Variants in PRKG1 observed in about 807,000 individuals in gnomAD.
The protein encoded by PRKG1 is cGMP-dependent protein kinase 1.
Under a neutral mutation model 88.1 loss-of-function variants are expected in PRKG1, and 35 were observed. The observed-to-expected ratio is 0.40, with a 90% confidence interval of 0.30 to 0.53. The LOEUF is 0.53. Among genes scored for constraint, PRKG1 ranks in the 20% least tolerant of loss-of-function variants. The probability of loss-of-function intolerance (pLI) is 0.59; values close to 1 mark genes in which losing one functional copy is unlikely to be tolerated. For missense variants in PRKG1, 540 were observed against 839.8 expected (o/e 0.64, Z 4.41); for synonymous variants, 303 against 292.5 (o/e 1.04, Z -0.37).
intron 2 of PRKG1, among the ~76,000 whole-genome samples, chr10:51,285,716 A>T (rs919676025): frequency 6.6e-6 from 1 of 152,198 alleles, no homozygotes; most frequent in Non-Finnish European, 1.5e-5. Flanking sequence ...GTATTGGTTT[A>T]CATGTTAGAA....
chr10:51,627,464 A>G (rs555983351), intron 3 of PRKG1, among the ~76,000 whole-genome samples: 1 of 152,332 alleles, frequency 6.6e-6, no homozygotes, highest in Non-Finnish European at 1.5e-5. Flanking sequence ...AAACCTCCCA[A>G]TTAATTTTCA....
chr10:51,594,020 C>T (rs10823255), intron 3 of PRKG1, among the ~76,000 whole-genome samples: 50,958 of 151,882 alleles, frequency 0.34, 9,327 homozygotes, highest in Non-Finnish European at 0.42. Flanking sequence ...GCCACCGTGC[C>T]TGTACCCCCC....
chr10:51,895,020 A>G (rs1841808599), intron 4 of PRKG1, among the ~76,000 whole-genome samples: 1 of 152,186 alleles, frequency 6.6e-6, no homozygotes. Flanking sequence ...TCTTGTCTAA[A>G]TGAGAATTAT....
chr10:51,103,325 T>C (rs1161328031), intron 1 of PRKG1, among the ~76,000 whole-genome samples: 1 of 152,118 alleles, frequency 6.6e-6, no homozygotes, highest in Non-Finnish European at 1.5e-5. Flanking sequence ...ATGAAGGCAT[T>C]TGATCATGAA....
chr10:51,980,568 C>T (rs1025709754), intron 5 of PRKG1, among the ~76,000 whole-genome samples: 2 of 152,078 alleles, frequency 1.3e-5, no homozygotes, highest in African/African-American at 4.8e-5. Context: ...CTGTCTAATA[C>T]TGTCAATGGG....
chr10:51,012,579 T>A (rs1843007542), intron 1 of PRKG1, among the ~76,000 whole-genome samples: 2 of 152,332 alleles, frequency 1.3e-5, no homozygotes, highest in Non-Finnish European at 2.9e-5. Context: ...GCACGCATTT[T>A]AAAACATATT....
intron 2 of PRKG1, among the ~76,000 whole-genome samples, chr10:51,165,813 A>G (rs1387699396): frequency 1.3e-5 from 2 of 152,218 alleles, no homozygotes; most frequent in East Asian, 3.9e-4. Context: ...ATCATAAATG[A>G]AGTCAATGTG....
intron 7 of PRKG1, among the ~76,000 whole-genome samples, chr10:52,077,170 A>C (rs1589584986): frequency 6.6e-6 from 1 of 152,360 alleles, no homozygotes. Flanking sequence ...GTGCATCAAT[A>C]GATGAATAGG....
At position 52,296,827 on chromosome 10, in the gene PRKG1, A is replaced by G. The variant is rs563345871; in HGVS notation, c.*2927A>G. 6.6e-6 allele frequency: 1 copy of G among 152,268 alleles called. No homozygotes were observed. Among genetic ancestry groups the G allele is most frequent in the South Asian group, 2.1e-4 (1 of 4,832 alleles). 9.4% of individuals were successfully genotyped at this position (152,268 alleles called of 1,614,324 possible). Reference sequence around the variant, plus strand: ...TTATGTTTATATCTTCTTTCTTATTAAGACATGAATCAGATCCATGTGGCA... The same window carrying G: ...TTATGTTTATATCTTCTTTCTTATTGAGACATGAATCAGATCCATGTGGCA... On this transcript the variant is annotated 3_prime_UTR_variant, in exon 18 of 18. Coordinates refer to ENST00000373980, the MANE Select transcript of PRKG1 (RefSeq NM_006258.4).
intron 2 of PRKG1, among the ~76,000 whole-genome samples, chr10:51,464,869 C>G (rs368880894): frequency 8.1e-6 from 1 of 123,122 alleles, no homozygotes; most frequent in Non-Finnish European, 1.6e-5. Flanking sequence ...CCAGCCTGGG[C>G]GACAGAGCGA....
At chr10:51,953,062 TTCTG>T (rs2133056179) in intron 5 of PRKG1, among the ~76,000 whole-genome samples, 1 of 152,320 alleles carries the variant, frequency 6.6e-6, no homozygotes, top group East Asian at 1.9e-4. Flanking sequence ...CTTTAGCTTT[TTCTG>T]TCTATGTTTA....
intron 4 of PRKG1, among the ~76,000 whole-genome samples, chr10:51,867,536 T>C (rs1589372791): frequency 6.6e-6 from 1 of 152,144 alleles, no homozygotes; most frequent in African/African-American, 2.4e-5. Context: ...GGAGAAAGAC[T>C]TAGGAATTTA....
At chr10:51,463,870 G>A (rs1023336584) in intron 2 of PRKG1, among the ~76,000 whole-genome samples, 2 of 152,064 alleles carry the variant, frequency 1.3e-5, no homozygotes, top group Non-Finnish European at 2.9e-5. Context: ...GCCATTCCTC[G>A]TTCACATAAC....
At chr10:51,050,052 A>C (rs1340340405) in intron 1 of PRKG1, among the ~76,000 whole-genome samples, 1 of 152,048 alleles carries the variant, frequency 6.6e-6, no homozygotes, top group African/African-American at 2.4e-5. Context: ...CTCCCATTTC[A>C]ATGGATTTTA....
intron 2 of PRKG1, among the ~76,000 whole-genome samples, chr10:51,324,756 A>G (rs1376729579): frequency 2.0e-5 from 3 of 151,676 alleles, no homozygotes; most frequent in Non-Finnish European, 4.4e-5. Context: ...AAAAGATTCC[A>G]TTGTGTATAT....
intron 1 of PRKG1, among the ~76,000 whole-genome samples, chr10:51,108,652 C>A (rs1844906573): frequency 6.6e-6 from 1 of 152,110 alleles, no homozygotes; most frequent in East Asian, 1.9e-4. Flanking sequence ...GTTACAAAAC[C>A]CCCACAGCTA....
chr10:52,152,971 G>A (rs1452346074), intron 8 of PRKG1, among the ~76,000 whole-genome samples: 2 of 152,174 alleles, frequency 1.3e-5, no homozygotes, highest in South Asian at 2.1e-4. Flanking sequence ...AGTTTATAGA[G>A]AAGGAGACTG....
chr10:51,850,338 A>G (rs1307137778), intron 4 of PRKG1, among the ~76,000 whole-genome samples: 3 of 152,048 alleles, frequency 2.0e-5, no homozygotes, highest in Non-Finnish European at 4.4e-5. Context: ...CATCACACCC[A>G]GCTAATTTTT....
At chr10:52,130,107 A>G (rs899986403) in intron 7 of PRKG1, among the ~76,000 whole-genome samples, 1 of 152,176 alleles carries the variant, frequency 6.6e-6, no homozygotes, top group African/African-American at 2.4e-5. Context: ...GACATGTACT[A>G]TATGCTCAAT....
Sources: allele counts gnomAD v4.1 joint callset (sites outside exome capture counted in the v4.1 genomes callset), GRCh38; gene constraint gnomAD v4.1.1; transcripts MANE v1.5; gene names NCBI Gene and HGNC (gene_info 2026-07-23, HGNC 2026-07-21).